The following DKK4 variants were observed in gnomAD, a reference collection of about 807,000 sequenced individuals.
DKK4 encodes dickkopf Wnt signaling pathway inhibitor 4, also known as dickkopf-related protein 4.
Under a neutral mutation model 14.5 loss-of-function variants are expected in DKK4, and 15 were observed. The ratio of observed to expected loss-of-function variants is 1.03; its 90% CI spans 0.69 to 1.59. The LOEUF (loss-of-function observed/expected upper bound fraction) is 1.59. Among genes scored for constraint, DKK4 ranks in the 40% most tolerant of loss-of-function variants. The pLI is 0.00. For missense variants in DKK4, 272 were observed against 280.3 expected, an observed-to-expected ratio of 0.97 and a Z score of 0.21; for synonymous variants, 89 against 105.2, an observed-to-expected ratio of 0.85 and a Z score of 0.94.
At chr8:42,378,333 T>C (rs186576915), upstream of DKK4, among the ~76,000 whole-genome samples, 56 of 152,356 alleles carry the variant, frequency 3.7e-4, no homozygotes, top group Admixed American at 1.8e-3. Context: ...CATCAATTCA[T>C]TGACATGAAT....
chr8:42,379,374 TATATAGAGAGAGAGAG>T (rs1255198390), upstream of DKK4, among the ~76,000 whole-genome samples: 5 of 48,378 alleles, frequency 1.0e-4, no homozygotes, highest in East Asian at 2.0e-3. Flanking sequence ...TATATATATA[TATATAGAGAGAGAGAG>T]AGAGAGAGAG....
At chr8:42,375,540 G>T in intron 2 of DKK4, 140 bp downstream of exon 2, 14 of 997,472 alleles carry the variant, frequency 1.4e-5, no homozygotes, top group Non-Finnish European at 1.9e-5. Flanking sequence ...AAAAGGAAAA[G>T]AAAAGGCAGC....
chr8:42,377,752 G>A (rs894508211), upstream of DKK4, among the ~76,000 whole-genome samples: 1 of 152,136 alleles, frequency 6.6e-6, no homozygotes, highest in East Asian at 1.9e-4. Context: ...AATCCCAACC[G>A]CTTAAAAGTT....
At chr8:42,383,134 C>T in the DKK4 span, among the ~76,000 whole-genome samples, 1 of 152,248 alleles carries the variant, frequency 6.6e-6, no homozygotes, top group South Asian at 2.1e-4. Context: ...TGAGAAGGGG[C>T]ATGTTGATGG....
chr8:42,376,525 A>G (rs1225026258), intron 1 of DKK4, among the ~76,000 whole-genome samples: 1 of 152,130 alleles, frequency 6.6e-6, no homozygotes, highest in Admixed American at 6.5e-5. Context: ...TCTCATTCCC[A>G]TGTTTGCTTG....
chr8:42,390,358 CTTTTTTTTT>C, the DKK4 span, among the ~76,000 whole-genome samples: 1 of 99,478 alleles, frequency 1.0e-5, no homozygotes, highest in African/African-American at 4.7e-5. Flanking sequence ...CTTTTGCTTC[CTTTTTTTTT>C]TTTTTTTTTT....
upstream of DKK4, among the ~76,000 whole-genome samples, chr8:42,379,945 T>A (rs1824640668): frequency 6.6e-6 from 1 of 152,214 alleles, no homozygotes; most frequent in Admixed American, 6.5e-5. Flanking sequence ...CAGTGGCTCA[T>A]GCTTGTACCC....
Position 42,377,118 on chromosome 8 carries a change from C to G in DKK4, c.-73G>C. On this transcript the variant is annotated 5_prime_UTR_variant, in exon 1 of 4. Coordinates refer to ENST00000220812, the MANE Select transcript of DKK4 (RefSeq NM_014420.3). ...AAGCGAGGCTGCTCTCCACCCAGAG[C>G]AGAGCTTCCACTAAGCTGGCAGCTC... The G allele has an allele frequency of 7.9e-7, 1 of 1,264,976 alleles. No homozygotes were observed. The highest frequency in any genetic ancestry group is 2.5e-5 in the East Asian group (1 of 40,762). The allele number at this position is 1,264,976 out of a possible 1,614,324, so 78.4% of individuals were successfully genotyped here. A position where few individuals can be genotyped will look rare whatever the true frequency, so the allele number is the denominator to read the frequency against.
chr8:42,381,187 G>T (rs905219535), upstream of DKK4, among the ~76,000 whole-genome samples: 1 of 151,854 alleles, frequency 6.6e-6, no homozygotes, highest in Non-Finnish European at 1.5e-5. Context: ...ATCACTGGAT[G>T]TGGGAGTGGG....
upstream of DKK4, among the ~76,000 whole-genome samples, chr8:42,379,772 G>A (rs1301364689): frequency 1.3e-5 from 2 of 152,088 alleles, no homozygotes; most frequent in African/African-American, 2.4e-5. Context: ...GGTGCACTCA[G>A]GTGCTAGTGA....
chr8:42,380,913 AAG>A (rs1381495936), upstream of DKK4, among the ~76,000 whole-genome samples: 5 of 151,034 alleles, frequency 3.3e-5, no homozygotes, highest in South Asian at 1.1e-3. Flanking sequence ...AAATGAGAGA[AAG>A]AAAGAAAAAG....
At chr8:42,389,268 C>T in the DKK4 span, among the ~76,000 whole-genome samples, 3 of 152,176 alleles carry the variant, frequency 2.0e-5, no homozygotes, top group Non-Finnish European at 4.4e-5. Flanking sequence ...ATTTAATATC[C>T]ACTACAATCC....
the DKK4 span, among the ~76,000 whole-genome samples, chr8:42,390,524 C>T: frequency 3.3e-5 from 5 of 151,494 alleles, no homozygotes; most frequent in African/African-American, 4.9e-5. Flanking sequence ...CCACCACGCC[C>T]GGCTAATTTT....
At chr8:42,380,361 G>A (rs1824649406), upstream of DKK4, among the ~76,000 whole-genome samples, 1 of 146,660 alleles carries the variant, frequency 6.8e-6, no homozygotes, top group African/African-American at 2.5e-5. Flanking sequence ...GGGAGGGAAA[G>A]AGAGAAAGAG....
rs1824577111 is a variant in DKK4, at chr8:42,376,991, G to A, written c.55C>T (p.Leu19=). 6.2e-7 allele frequency: 1 copy of A among 1,613,614 alleles called. No homozygotes were observed. The highest frequency in any genetic ancestry group is 1.7e-5 in the Admixed American group (1 of 59,978). The stretch of plus-strand genomic sequence containing the variant: ...CTGATGTTGTTGAAGTCCAGGACCA[G>A]AGCTCCCAGGGGAGAGCAGAGCCAG... ...LSWLCSPLGA[L]VLDFNNIRSS... Residue 19 remains leucine, a synonymous_variant, in exon 1 of 4, where the codon CTG becomes TTG. Coordinates refer to ENST00000220812, the MANE Select transcript of DKK4 (RefSeq NM_014420.3).
In DKK4 at chr8:42,377,037, C is replaced by G. The variant is rs373208637; in HGVS notation, c.9G>C (p.Ala3=). The G allele has an allele frequency of 2.5e-6, 4 of 1,612,492 alleles. No individual in the cohort carries two copies. The highest frequency in any genetic ancestry group is 1.3e-5 in the African/African-American group (1 of 74,880). MV[A]AVLLGLSWLC... ...GCCAGCTCAGCCCCAGCAGGACGGC[C>G]GCCACCATCCTTCAATCCCGGGGCT... The change falls in exon 1 of 4, where the codon GCG becomes GCC. Residue 3 remains alanine, a synonymous_variant. Coordinates refer to ENST00000220812, the MANE Select transcript of DKK4 (RefSeq NM_014420.3).
chr8:42,380,699 A>G (rs111066286), upstream of DKK4, among the ~76,000 whole-genome samples: 35,257 of 146,028 alleles, frequency 0.24, 8,616 homozygotes, highest in African/African-American at 0.63. Flanking sequence ...AGAAAAGAAA[A>G]AAGGGAGGGA....
At chr8:42,388,464 G>A in the DKK4 span, among the ~76,000 whole-genome samples, 17 of 151,712 alleles carry the variant, frequency 1.1e-4, no homozygotes, top group South Asian at 1.7e-3. Context: ...TCCTTATCTC[G>A]GGTGATCCAC....
chr8:42,376,724 C>A (rs965623932), intron 1 of DKK4, among the ~76,000 whole-genome samples: 3 of 152,186 alleles, frequency 2.0e-5, no homozygotes, highest in Non-Finnish European at 2.9e-5. Context: ...AAACGTATGG[C>A]CGAATGATGT....
Sources: allele counts gnomAD v4.1 joint callset (sites outside exome capture counted in the v4.1 genomes callset), GRCh38; gene constraint gnomAD v4.1.1; transcripts MANE v1.5; gene names NCBI Gene and HGNC (gene_info 2026-07-23, HGNC 2026-07-21).